The following FABP6 variants were observed in gnomAD, a reference collection of about 807,000 sequenced individuals.
FABP6 encodes the protein fatty acid binding protein 6.
In FABP6, 13 loss-of-function variants were observed where a neutral mutation model predicts 14.9. The ratio of observed to expected loss-of-function variants is 0.87; its 90% CI spans 0.57 to 1.39. FABP6 has a LOEUF of 1.39. Ranked by LOEUF, FABP6 falls within the 40% of genes most tolerant of loss-of-function variation. FABP6 has a pLI of 0.00. For synonymous variants in FABP6, 75 were observed against 63.6 expected (o/e 1.18, Z -0.85); for missense variants, 161 against 167.2 (o/e 0.96, Z 0.20).
chr5:160,221,454 G>A (rs182395829), intron 3 of FABP6, among the ~76,000 whole-genome samples: 5 of 152,266 alleles, frequency 3.3e-5, no homozygotes, highest in East Asian at 1.9e-4. Flanking sequence ...TACAAGGTAC[G>A]AACTTCCTCC....
chr5:160,214,089 C>CTCTTTCTTTCTTTCTTTCTT (rs10605033), intron 3 of FABP6, among the ~76,000 whole-genome samples: 2 of 116,294 alleles, frequency 1.7e-5, no homozygotes, highest in African/African-American at 3.4e-5. Flanking sequence ...GCCTGCCTTT[C>CTCTTTCTTTCTTTCTTTCTT]TCTTTCTTTC....
At chr5:160,192,413 C>T (rs1379880267) in intron 1 of FABP6, among the ~76,000 whole-genome samples, 1 of 152,230 alleles carries the variant, frequency 6.6e-6, no homozygotes, top group African/African-American at 2.4e-5. Flanking sequence ...GCATCTTCCC[C>T]AGGGCAAGGT....
intron 3 of FABP6, among the ~76,000 whole-genome samples, chr5:160,237,953 T>G (rs1760552490): frequency 6.6e-6 from 1 of 152,152 alleles, no homozygotes; most frequent in Non-Finnish European, 1.5e-5. Flanking sequence ...CTCTGGGCTC[T>G]CCCACAGCTC....
At chr5:160,202,011 G>C (rs903674467) in intron 2 of FABP6, among the ~76,000 whole-genome samples, 2 of 152,098 alleles carry the variant, frequency 1.3e-5, no homozygotes, top group Non-Finnish European at 2.9e-5. Context: ...CGATCTGCTC[G>C]CCTTCACCTC....
intron 2 of FABP6, among the ~76,000 whole-genome samples, chr5:160,211,269 G>A (rs1759884469): frequency 6.6e-6 from 1 of 151,982 alleles, no homozygotes. Context: ...GGTCTCTGTG[G>A]GACTGTCAGT....
At chr5:160,228,166 C>T (rs1050614109), upstream of FABP6, among the ~76,000 whole-genome samples, 1 of 151,858 alleles carries the variant, frequency 6.6e-6, no homozygotes, top group African/African-American at 2.4e-5. Flanking sequence ...CTGAGGCAGG[C>T]GGATCACTTG....
upstream of FABP6, chr5:160,229,484 C>G: frequency 1.2e-6 from 2 of 1,608,316 alleles, no homozygotes; most frequent in East Asian, 2.2e-5. Flanking sequence ...AGTTTATAAG[C>G]TGGGATAGCA....
chr5:160,195,481 G>C (rs1420509899), intron 1 of FABP6, among the ~76,000 whole-genome samples: 1 of 151,994 alleles, frequency 6.6e-6, no homozygotes, highest in Non-Finnish European at 1.5e-5. Context: ...TTGAGACAGG[G>C]ACACGTTCTG....
At chr5:160,205,835 C>A (rs1759753757) in intron 2 of FABP6, among the ~76,000 whole-genome samples, 1 of 152,202 alleles carries the variant, frequency 6.6e-6, no homozygotes, top group South Asian at 2.1e-4. Context: ...GTGGAAATGA[C>A]CCAGGGCCTC....
At chr5:160,188,890 G>C (rs1223493385) in intron 1 of FABP6, among the ~76,000 whole-genome samples, 1 of 152,210 alleles carries the variant, frequency 6.6e-6, no homozygotes, top group Non-Finnish European at 1.5e-5. Context: ...GGATTATCTG[G>C]GTGGTGCTTA....
At chr5:160,219,051 C>T (rs10035737) in intron 3 of FABP6, among the ~76,000 whole-genome samples, 32,842 of 152,162 alleles carry the variant, frequency 0.22, 3,620 homozygotes, top group South Asian at 0.25. Flanking sequence ...TTCTCAGAGG[C>T]TCCAGTTAGC....
intron 2 of FABP6, among the ~76,000 whole-genome samples, chr5:160,204,159 A>G (rs75678633): frequency 2.1e-5 from 3 of 139,836 alleles, no homozygotes; most frequent in Non-Finnish European, 4.7e-5. Context: ...AAAAAAAAAT[A>G]CCCACAGGGT....
At chr5:160,188,740 G>A (rs886494894) in intron 1 of FABP6, among the ~76,000 whole-genome samples, 44 of 152,308 alleles carry the variant, frequency 2.9e-4, no homozygotes, top group African/African-American at 1.0e-3. Flanking sequence ...CCTGTCTCTG[G>A]GCCTCAGATT....
At chr5:160,222,095 C>A (rs796911068) in intron 3 of FABP6, among the ~76,000 whole-genome samples, 5 of 130,340 alleles carry the variant, frequency 3.8e-5, no homozygotes, top group African/African-American at 1.4e-4. Context: ...TTTTTCTTTT[C>A]TTTTTTTTTT....
intron 2 of FABP6, among the ~76,000 whole-genome samples, chr5:160,210,908 C>T (rs888554703): frequency 8.5e-5 from 13 of 152,132 alleles, no homozygotes; most frequent in African/African-American, 1.9e-4. Context: ...GAATTAATCA[C>T]GGTTTGCCAG....
chr5:160,213,710 A>G lies in FABP6; in HGVS notation c.52-26A>G, dbSNP rs746884506. The G allele has an allele frequency of 4.4e-6, 7 of 1,607,696 alleles. No individual in the cohort carries two copies. The South Asian group carries it at 7.7e-5, about 18-fold the overall frequency. The stretch of plus-strand genomic sequence containing the variant: ...TGCCCACTTGACTCAGGATAGGCCA[A>G]TCAGATTATTTCTCTTCTGACTCAG... On this transcript the variant is annotated intron_variant, in intron 2 of 6. Coordinates refer to the FABP6 transcript ENST00000393980.
At chr5:160,228,491 G>A (rs72812227), upstream of FABP6, 25,679 of 456,246 alleles carry the variant, frequency 0.056, 862 homozygotes, top group South Asian at 0.077. Context: ...CTCACAAGAT[G>A]GGTAGGCCGG....
chr5:160,192,628 C>T (rs1328877241), intron 1 of FABP6, among the ~76,000 whole-genome samples: 5 of 152,242 alleles, frequency 3.3e-5, no homozygotes, highest in South Asian at 2.1e-4. Context: ...CGCCTGGCAC[C>T]GTGCTAGACA....
intron 1 of FABP6, among the ~76,000 whole-genome samples, chr5:160,188,382 G>C (rs1415602827): frequency 2.0e-5 from 3 of 152,092 alleles, no homozygotes; most frequent in Non-Finnish European, 2.9e-5. Context: ...CCCCAGCCCA[G>C]GTAGCCGGCT....
Sources: gnomAD v4.1 joint callset for allele counts (sites outside exome capture counted in the v4.1 genomes callset) on GRCh38, gnomAD v4.1.1 for gene constraint, MANE v1.5 for transcripts, NCBI Gene and HGNC (gene_info 2026-07-23, HGNC 2026-07-21) for gene names.